Variants in CMSS1 observed in about 807,000 individuals in gnomAD.
The protein encoded by CMSS1 is protein CMSS1.
CMSS1 carries 33 observed loss-of-function variants against 43.5 expected under a neutral mutation model. The ratio of observed to expected loss-of-function variants is 0.76; its 90% CI spans 0.57 to 1.01. The LOEUF (loss-of-function observed/expected upper bound fraction) is 1.01. Among genes scored for constraint, CMSS1 ranks in the 50% least tolerant of loss-of-function variants. The pLI, the probability that CMSS1 is intolerant of heterozygous loss-of-function variation, is 0.00. For missense variants in CMSS1, 313 were observed against 326.4 expected (o/e 0.96, Z 0.32); for synonymous variants, 115 against 117.2 (o/e 0.98, Z 0.12).
At chr3:100,077,786 T>C (rs1438928716) in intron 1 of CMSS1, among the ~76,000 whole-genome samples, 5 of 152,098 alleles carry the variant, frequency 3.3e-5, no homozygotes, top group Admixed American at 1.3e-4. Flanking sequence ...TGTGCATGTC[T>C]GTGGTCCCGC....
intron 1 of CMSS1, among the ~76,000 whole-genome samples, chr3:99,954,335 C>T (rs1177893983): frequency 6.6e-6 from 1 of 152,186 alleles, no homozygotes; most frequent in Admixed American, 6.5e-5. Flanking sequence ...ATGCTAGACA[C>T]ACTTTGGGCC....
At chr3:100,137,304 T>C (rs975671864) in intron 1 of CMSS1, among the ~76,000 whole-genome samples, 5 of 151,854 alleles carry the variant, frequency 3.3e-5, no homozygotes, top group African/African-American at 1.2e-4. Context: ...ATATAGAACT[T>C]CCCCCACAAA....
intron 1 of CMSS1, among the ~76,000 whole-genome samples, chr3:100,123,262 C>T (rs149352169): frequency 6.6e-6 from 1 of 152,102 alleles, no homozygotes; most frequent in Non-Finnish European, 1.5e-5. Flanking sequence ...GAGGAGGAAG[C>T]GTTCAGGTCT....
At chr3:100,162,481 A>C (rs753105379) in intron 4 of CMSS1, 49 bp downstream of exon 4, 1 of 1,585,554 alleles carries the variant, frequency 6.3e-7, no homozygotes, top group African/African-American at 1.4e-5. Context: ...AAACATAAGT[A>C]TCTGTTATGG....
intron 1 of CMSS1, chr3:99,930,967 T>A (rs1428357426): frequency 6.2e-7 from 1 of 1,613,812 alleles, no homozygotes; most frequent in Admixed American, 1.7e-5. Context: ...CTTTAGTATG[T>A]CTTGGAAATT....
At chr3:100,167,671 G>A (rs565600146) in intron 5 of CMSS1, 67 bp from the exon 6 acceptor site, 38 of 909,892 alleles carry the variant, frequency 4.2e-5, no homozygotes, top group Non-Finnish European at 6.1e-5. Context: ...AAGAAGAAAT[G>A]CTCAACTTGG....
At chr3:100,006,407 A>G (rs1222714062) in intron 1 of CMSS1, among the ~76,000 whole-genome samples, 3 of 152,052 alleles carry the variant, frequency 2.0e-5, no homozygotes, top group South Asian at 2.1e-4. Flanking sequence ...CTCCTTCCCC[A>G]TAATTATCAT....
chr3:100,056,153 T>C (rs573788888), intron 1 of CMSS1, among the ~76,000 whole-genome samples: 3 of 152,332 alleles, frequency 2.0e-5, no homozygotes, highest in South Asian at 2.1e-4. Flanking sequence ...GAAAGCTACA[T>C]AGGTGCATTT....
intron 6 of CMSS1, among the ~76,000 whole-genome samples, chr3:100,171,339 A>G (rs534307477): frequency 4.5e-4 from 68 of 152,174 alleles, no homozygotes; most frequent in African/African-American, 1.5e-3. Flanking sequence ...GAAGGATAGA[A>G]GCCCCCCCTC....
rs933349817 is a variant in CMSS1, at chr3:99,929,930, C to T, written c.64+111887C>T. 5 of 1,613,932 alleles carry T rather than the reference C, an allele frequency of 3.1e-6. No homozygotes were observed. The African/African-American group carries it at 6.7e-5, about 22-fold the overall frequency. On this transcript the variant is annotated intron_variant, in intron 1 of 9. Transcript: ENST00000421999. ...GCTTGAAAAGCATCTCTCTGGAGAG[C>T]CTCTAACACCTTTTTTGGAGTGACA...
intron 1 of CMSS1, among the ~76,000 whole-genome samples, chr3:99,827,462 G>A (rs147981534): frequency 6.6e-6 from 1 of 152,242 alleles, no homozygotes; most frequent in Non-Finnish European, 1.5e-5. Context: ...AAAGTGCTGG[G>A]ATTACAGGTG....
At chr3:100,151,545 G>C (rs2066908625) in intron 2 of CMSS1, among the ~76,000 whole-genome samples, 1 of 152,138 alleles carries the variant, frequency 6.6e-6, no homozygotes, top group Non-Finnish European at 1.5e-5. Context: ...TGATCCAAGA[G>C]GGAACCAGCA....
At chr3:100,019,287 G>A (rs1433150031) in intron 1 of CMSS1, among the ~76,000 whole-genome samples, 1 of 152,120 alleles carries the variant, frequency 6.6e-6, no homozygotes, top group Non-Finnish European at 1.5e-5. Flanking sequence ...TTCAGCCCAG[G>A]AGACTGAGGC....
chr3:99,847,425 T>C (rs1249615821), intron 1 of CMSS1, among the ~76,000 whole-genome samples: 1 of 151,902 alleles, frequency 6.6e-6, no homozygotes, highest in Non-Finnish European at 1.5e-5. Flanking sequence ...GTTGTAGACA[T>C]ACATGTTCTA....
chr3:100,075,368 A>G (rs1248805571), intron 1 of CMSS1, among the ~76,000 whole-genome samples: 2 of 152,334 alleles, frequency 1.3e-5, no homozygotes, highest in Non-Finnish European at 2.9e-5. Flanking sequence ...CCTTTACCCT[A>G]CAGGAGAGAA....
chr3:100,162,325 C>G lies in CMSS1; in HGVS notation c.248C>G (p.Ala83Gly), dbSNP rs1428206760. 1 of 1,610,458 alleles carries G rather than the reference C, an allele frequency of 6.2e-7. No individual in the cohort carries two copies. The highest frequency in any genetic ancestry group is 1.7e-5 in the Admixed American group (1 of 59,296). ...RRKKKITDVL[A>G]KSEPKPGLPE... ...TAGAAGAAAATTACTGATGTTCTTG[C>G]AAAATCAGAACCAAAACCAGGGTTA... is the stretch of plus-strand genomic sequence containing the variant. The change falls in exon 4 of 10, where the codon GCA becomes GGA. Residue 83 changes from alanine (A) to glycine (G), a missense_variant. Ala to Gly is a moderately conservative substitution (Grantham distance 60). Transcript: ENST00000421999.
intron 1 of CMSS1, among the ~76,000 whole-genome samples, chr3:99,872,578 C>A (rs1387640246): frequency 1.3e-5 from 2 of 151,968 alleles, no homozygotes; most frequent in Non-Finnish European, 2.9e-5. Flanking sequence ...CCCTGCCTGC[C>A]CCCACAAACA....
At chr3:100,059,167 T>C (rs942405441) in intron 1 of CMSS1, among the ~76,000 whole-genome samples, 5 of 152,258 alleles carry the variant, frequency 3.3e-5, no homozygotes, top group African/African-American at 9.6e-5. Flanking sequence ...CAGAAACATA[T>C]ACTTGGAGTT....
At chr3:100,018,556 G>C (rs1042483480) in intron 1 of CMSS1, among the ~76,000 whole-genome samples, 1 of 151,846 alleles carries the variant, frequency 6.6e-6, no homozygotes, top group African/African-American at 2.4e-5. Context: ...AAATCAACTC[G>C]AAATGAATTA....
Sources: allele counts gnomAD v4.1 joint callset (sites outside exome capture counted in the v4.1 genomes callset), GRCh38; gene constraint gnomAD v4.1.1; transcripts MANE v1.5; gene names NCBI Gene and HGNC (gene_info 2026-07-23, HGNC 2026-07-21).